Variants in ABCC4 observed in about 807,000 individuals in gnomAD.
ABCC4 encodes ATP binding cassette subfamily C member 4 (PEL blood group).
A neutral mutation model predicts 168.5 loss-of-function variants in ABCC4; 102 were observed. That is an observed-to-expected ratio of 0.61 (90% confidence interval 0.52 to 0.71). ABCC4 has a LOEUF of 0.71. Ranked by LOEUF, ABCC4 falls within the 30% of genes least tolerant of loss-of-function variation. ABCC4 has a pLI of 0.00. For missense variants in ABCC4, 1,402 were observed against 1,605.8 expected (o/e 0.87, Z 2.17); for synonymous variants, 617 against 590.7 (o/e 1.04, Z -0.65).
chr13:95,253,458 A>G (rs1286357677), intron 1 of ABCC4, among the ~76,000 whole-genome samples: 1 of 151,962 alleles, frequency 6.6e-6, no homozygotes, highest in Non-Finnish European at 1.5e-5. Context: ...AAAATCCCCA[A>G]ATTTGGCCTG....
chr13:95,225,351 C>T (rs1436018251), intron 4 of ABCC4, among the ~76,000 whole-genome samples: 2 of 152,140 alleles, frequency 1.3e-5, no homozygotes, highest in Non-Finnish European at 2.9e-5. Context: ...TATATACTAA[C>T]AACAAACGGT....
chr13:95,241,453 T>C (rs149139051), intron 3 of ABCC4, among the ~76,000 whole-genome samples: 21 of 151,958 alleles, frequency 1.4e-4, no homozygotes, highest in Non-Finnish European at 4.4e-5. Context: ...ACAAGCAGCA[T>C]AGATACAAAT....
intron 19 of ABCC4, among the ~76,000 whole-genome samples, chr13:95,118,255 ATTT>A (rs11285457): frequency 7.0e-5 from 10 of 143,872 alleles, no homozygotes; most frequent in Admixed American, 4.1e-4. Context: ...AAAAGTTTTA[ATTT>A]TTTTTTTTTT....
At chr13:95,175,306 A>AT (rs950877877) in intron 13 of ABCC4, among the ~76,000 whole-genome samples, 17 of 150,618 alleles carry the variant, frequency 1.1e-4, no homozygotes, top group East Asian at 1.9e-4. Context: ...CTTTTTTAAA[A>AT]TTTTTTTTTT....
At position 95,064,260 on chromosome 13, in the gene ABCC4, GTATATATATATATATATATATATA is replaced by G. The variant is rs753635232; in HGVS notation, c.3211-1425_3211-1402del. 2.8e-4 allele frequency among the ~76,000 whole-genome samples: 6 copies of G among 21,510 alleles called. No homozygotes were observed. In the East Asian group the frequency reaches 5.6e-3, roughly 20 times the overall value. The allele number at this position is 21,510 out of a possible 152,430, so 14.1% of individuals were successfully genotyped here. A position where few individuals can be genotyped will look rare whatever the true frequency, so the allele number is the denominator to read the frequency against. Reference sequence around the variant, plus strand: ...GGTACATCCGGGTGTGTGTGTGTGTGTATATATATATATATATATATATATATATATATATATACACACACACAC... The same window carrying G: ...GGTACATCCGGGTGTGTGTGTGTGTGTATATATATATATACACACACACAC... On this transcript the variant is annotated intron_variant, in intron 25 of 30. Transcript: ENST00000645237.
chr13:95,119,524 A>C (rs111763316), intron 19 of ABCC4, among the ~76,000 whole-genome samples: 1 of 152,222 alleles, frequency 6.6e-6, no homozygotes, highest in Non-Finnish European at 1.5e-5. Flanking sequence ...ACAACATAGA[A>C]TATTATAAAA....
intron 3 of ABCC4, among the ~76,000 whole-genome samples, chr13:95,246,183 T>C (rs973739696): frequency 1.3e-5 from 2 of 152,182 alleles, no homozygotes; most frequent in Non-Finnish European, 1.5e-5. Context: ...TCTTTGATTT[T>C]TCATGGAATG....
At chr13:95,029,644 G>A (rs73555551) in intron 30 of ABCC4, among the ~76,000 whole-genome samples, 4,363 of 152,172 alleles carry the variant, frequency 0.029, 218 homozygotes, top group African/African-American at 0.1. Flanking sequence ...AGTCTATAAA[G>A]CTACAAAACT....
chr13:95,036,364 C>G (rs577134950), intron 29 of ABCC4, among the ~76,000 whole-genome samples: 1 of 152,134 alleles, frequency 6.6e-6, no homozygotes, highest in Non-Finnish European at 1.5e-5. Context: ...AGTCCTACTA[C>G]TATTTGGTCC....
chr13:95,239,563 C>A (rs1384816138), intron 3 of ABCC4, among the ~76,000 whole-genome samples: 1 of 152,176 alleles, frequency 6.6e-6, no homozygotes, highest in Non-Finnish European at 1.5e-5. Flanking sequence ...CAGGGCCCAA[C>A]TTCGATAGAC....
At chr13:95,145,518 G>A (rs956088431) in intron 19 of ABCC4, among the ~76,000 whole-genome samples, 2 of 149,970 alleles carry the variant, frequency 1.3e-5, no homozygotes, top group Non-Finnish European at 3.0e-5. Context: ...CAGATACTTG[G>A]AAAGCTAAAA....
chr13:95,268,833 C>T lies in ABCC4; in HGVS notation c.75-21080G>A, dbSNP rs1365295536. On this transcript the variant is annotated intron_variant, in intron 1 of 30. Transcript: ENST00000645237. The stretch of plus-strand genomic sequence containing the variant: ...AATAAATACTGAGGGAACTCAGAGA[C>T]CGGTGCCTGGGGCGCGGGTCCTGGC... 3.9e-5 allele frequency among the ~76,000 whole-genome samples: 6 copies of T among 152,092 alleles called. No homozygotes were observed. In the East Asian group the frequency reaches 9.7e-4, roughly 24 times the overall value.
In ABCC4 at chr13:95,225,657, G is replaced by A. The variant is rs141457390; in HGVS notation, c.531+8953C>T. Among the ~76,000 whole-genome samples, 617 of 152,190 alleles carry A rather than the reference G, an allele frequency of 4.1e-3. 1 individual carries two copies. The highest frequency in any genetic ancestry group is 8.7e-3 in the South Asian group (42 of 4,822). ...TGCACTCCAGCTTGGGCAACAGAGC[G>A]AGAGTCTGTCTCAAAAAATAAATAA... On this transcript the variant is annotated intron_variant, in intron 4 of 30. Transcript: ENST00000645237.
At chr13:95,080,239 G>A (rs1566399855) in intron 21 of ABCC4, among the ~76,000 whole-genome samples, 1 of 152,152 alleles carries the variant, frequency 6.6e-6, no homozygotes, top group Non-Finnish European at 1.5e-5. Flanking sequence ...ATTGGATACG[G>A]CTTCACATTT....
At chr13:95,254,321 T>C (rs1023242034) in intron 1 of ABCC4, among the ~76,000 whole-genome samples, 1 of 152,146 alleles carries the variant, frequency 6.6e-6, no homozygotes, top group Non-Finnish European at 1.5e-5. Flanking sequence ...AACCTCTTTA[T>C]ATATATAAAA....
intron 4 of ABCC4, among the ~76,000 whole-genome samples, chr13:95,231,431 C>T (rs1205910359): frequency 1.3e-5 from 2 of 152,272 alleles, no homozygotes; most frequent in East Asian, 1.9e-4. Context: ...ATGTCGACGA[C>T]GGGCTCGGCA....
At chr13:95,113,769 G>A (rs922524748) in intron 20 of ABCC4, among the ~76,000 whole-genome samples, 8 of 151,962 alleles carry the variant, frequency 5.3e-5, no homozygotes, top group South Asian at 4.2e-4. Context: ...AGAAAGGCTC[G>A]GCACACAAAG....
At chr13:95,054,045 T>C (rs1365298511) in intron 26 of ABCC4, 1 of 48,226 alleles carries the variant, frequency 2.1e-5, no homozygotes, top group Non-Finnish European at 4.9e-5. Flanking sequence ...TTTTTTTTTT[T>C]TTTTTTTTTT....
intron 10 of ABCC4, 100 bp from the exon 11 acceptor site, chr13:95,186,992 C>T: frequency 1.0e-6 from 1 of 983,490 alleles, no homozygotes. Flanking sequence ...TTGAAAAACA[C>T]CATTCATTCA....
Sources: gnomAD v4.1 joint callset for allele counts (sites outside exome capture counted in the v4.1 genomes callset) on GRCh38, gnomAD v4.1.1 for gene constraint, MANE v1.5 for transcripts, NCBI Gene and HGNC (gene_info 2026-07-23, HGNC 2026-07-21) for gene names.